The following PDZD2 variants were observed in gnomAD, a reference collection of about 807,000 sequenced individuals.
PDZD2 encodes the protein PDZ domain containing 2.
A neutral mutation model predicts 220.7 loss-of-function variants in PDZD2; 90 were observed. The observed-to-expected ratio is 0.41, with a 90% CI of 0.34 to 0.49. The LOEUF (loss-of-function observed/expected upper bound fraction) is 0.49. PDZD2 is among the 20% of genes least tolerant of loss of function. The pLI is 0.28. For missense variants in PDZD2, 3,174 were observed against 3,608.5 expected (o/e 0.88, Z 3.08); for synonymous variants, 1,375 against 1,450.5 (o/e 0.95, Z 1.18).
intron 2 of PDZD2, among the ~76,000 whole-genome samples, chr5:31,893,544 T>G (rs977761284): frequency 6.6e-6 from 1 of 152,114 alleles, no homozygotes; most frequent in South Asian, 2.1e-4. Context: ...CAGTCCAGCC[T>G]GGGTGACAGA....
At chr5:32,026,293 C>T (rs537146614) in intron 6 of PDZD2, among the ~76,000 whole-genome samples, 3 of 152,182 alleles carry the variant, frequency 2.0e-5, no homozygotes, top group African/African-American at 7.2e-5. Flanking sequence ...TGTGCCACCA[C>T]ACCCAGCTAG....
chr5:32,018,887 AT>A (rs1753982100), intron 6 of PDZD2, among the ~76,000 whole-genome samples: 1 of 152,204 alleles, frequency 6.6e-6, no homozygotes, highest in Admixed American at 6.5e-5. Context: ...TAAGATTTAC[AT>A]TTGGGGGTGG....
chr5:31,850,875 T>C (rs999840932), intron 2 of PDZD2, among the ~76,000 whole-genome samples: 1 of 152,004 alleles, frequency 6.6e-6, no homozygotes, highest in Non-Finnish European at 1.5e-5. Flanking sequence ...TGACCTCGTG[T>C]TCCACCCGCC....
rs1439977846 is a variant in PDZD2 at position 32,083,344 on chromosome 5, C to T, written c.3683-3787C>T. 6.6e-6 allele frequency: 1 copy of T among 152,178 alleles called. No homozygotes were observed. The highest frequency in any genetic ancestry group is 1.5e-5 in the Non-Finnish European group (1 of 68,048). 9.4% of individuals were successfully genotyped at this position (152,178 alleles called of 1,614,324 possible). ...CATGGGCCTGACCTAGCAGGCTGTC[C>T]CTCGCACTGACCACTCTGCTGTCAG... is the stretch of plus-strand genomic sequence containing the variant. On this transcript the variant is annotated intron_variant, in intron 19 of 24. Transcript: ENST00000438447. The surrounding 1 kb of genome is among the most constrained non-coding windows in gnomAD (Gnocchi z 4.1).
chr5:31,796,967 G>C (rs537851448), intron 1 of PDZD2, among the ~76,000 whole-genome samples: 1 of 148,928 alleles, frequency 6.7e-6, no homozygotes, highest in South Asian at 2.1e-4. Flanking sequence ...TGGCTCTGTC[G>C]CCCAGGCTGG....
intron 1 of PDZD2, among the ~76,000 whole-genome samples, chr5:31,775,172 A>G (rs1490969036): frequency 3.3e-5 from 5 of 152,158 alleles, no homozygotes; most frequent in African/African-American, 4.8e-5. Context: ...TCTTTCTCAA[A>G]TTACTTATTT....
chr5:31,846,560 T>G (rs1757597522), intron 2 of PDZD2, among the ~76,000 whole-genome samples: 1 of 152,246 alleles, frequency 6.6e-6, no homozygotes, highest in African/African-American at 2.4e-5. Flanking sequence ...CCTTTTTAAT[T>G]CTGGGCATCA....
At chr5:31,951,131 A>G (rs1445471786) in intron 2 of PDZD2, among the ~76,000 whole-genome samples, 1 of 152,110 alleles carries the variant, frequency 6.6e-6, no homozygotes, top group Non-Finnish European at 1.5e-5. Flanking sequence ...CAGTGGCGCC[A>G]TCACAGCTCA....
chr5:31,963,664 C>T (rs570642755), intron 2 of PDZD2, among the ~76,000 whole-genome samples: 2 of 152,314 alleles, frequency 1.3e-5, no homozygotes, highest in South Asian at 2.1e-4. Flanking sequence ...CAGGTCAGGC[C>T]AGAAGGCGTT....
rs1281336978 is a variant in PDZD2 at position 31,849,897 on chromosome 5, T to C, written c.476+50173T>C. Among the ~76,000 whole-genome samples the C allele has an allele frequency of 4.5e-4, 12 of 26,460 alleles. 2 individuals are homozygous for C. The highest frequency in any genetic ancestry group is 2.9e-3 in the African/African-American group (10 of 3,460). The allele number at this position is 26,460 out of a possible 152,430, so 17.4% of individuals were successfully genotyped here. A position where few individuals can be genotyped will look rare whatever the true frequency, so the allele number is the denominator to read the frequency against. On this transcript the variant is annotated intron_variant, in intron 2 of 24. Coordinates refer to ENST00000438447, the MANE Select transcript of PDZD2 (RefSeq NM_178140.4). ...ATATATATATATATATACACATATATATATATACATATATATATATACATA... is the reference window on the plus strand; with the variant it reads ...ATATATATATATATATACACATATACATATATACATATATATATATACATA...
At position 32,090,442 on chromosome 5, in the gene PDZD2, T is replaced by G; in HGVS notation, c.6994T>G (p.Phe2332Val). The G allele has an allele frequency of 6.2e-7, 1 of 1,614,050 alleles. No individual in the cohort carries two copies. The highest frequency in any genetic ancestry group is 1.7e-5 in the Admixed American group (1 of 60,028). The change falls in exon 20 of 25, where the codon TTT becomes GTT. Residue 2332 changes from phenylalanine to valine, a missense_variant. Transcript: ENST00000438447. This position sits in a 1 kb window ranked among gnomAD's most constrained non-coding sequence, Gnocchi z 4.3. ...EQNWPHESTS[F>V]FSVKQRIKSF... is the part of the protein sequence containing the mutation. ...GAACTGGCCCCATGAATCTACCTCA[T>G]TTTTCTCTGTGAAGCAGCGGATCAA...
At chr5:31,908,954 G>A in intron 2 of PDZD2, 1 of 329,058 alleles carries the variant, frequency 3.0e-6, no homozygotes. Context: ...GGCTGAGGTG[G>A]GAGAATTGCT....
Position 31,880,791 on chromosome 5 carries a change from C to CTTTTTTTCTTTTTTTTT in PDZD2, c.476+81074_476+81075insCTTTTTTTTTTTTTTTT, listed in dbSNP as rs1580978227. Among the ~76,000 whole-genome samples, 159 of 76,454 alleles carry CTTTTTTTCTTTTTTTTT rather than the reference C, an allele frequency of 2.1e-3. 1 individual carries two copies. Among genetic ancestry groups the CTTTTTTTCTTTTTTTTT allele is most frequent in the Non-Finnish European group, 2.6e-3 (108 of 42,288 alleles). 50.2% of individuals were successfully genotyped at this position (76,454 alleles called of 152,430 possible). A position where few individuals can be genotyped will look rare whatever the true frequency, so the allele number is the denominator to read the frequency against. On this transcript the variant is annotated intron_variant, in intron 2 of 24. Transcript: ENST00000438447. ...AGAAAGGTAGCTTTCTTTTTTTTTT[C>CTTTTTTTCTTTTTTTTT]TTTTTTTTTTTTTTTTTTTTTTTTT...
At chr5:31,725,210 C>T (rs253916) in intron 1 of PDZD2, among the ~76,000 whole-genome samples, 26,310 of 151,802 alleles carry the variant, frequency 0.17, 2,568 homozygotes, top group East Asian at 0.34. Context: ...TGGTGGCACA[C>T]GCCTGTAATC....
chr5:31,731,439 C>G (rs1275622233), intron 1 of PDZD2, among the ~76,000 whole-genome samples: 1 of 152,130 alleles, frequency 6.6e-6, no homozygotes, highest in Non-Finnish European at 1.5e-5. Context: ...TTCATCATCC[C>G]TCAAAAGAGA....
intron 1 of PDZD2, chr5:31,744,464 A>C (rs1750461756): frequency 6.6e-6 from 1 of 152,226 alleles, no homozygotes; most frequent in South Asian, 2.1e-4. Context: ...AAAAGAAGGA[A>C]AAGAAAAAAG....
intron 19 of PDZD2, among the ~76,000 whole-genome samples, chr5:32,081,071 G>C (rs183118142): frequency 4.4e-4 from 64 of 146,382 alleles, no homozygotes; most frequent in Non-Finnish European, 4.5e-5. Flanking sequence ...ATGTATCCCA[G>C]AACTTAAAAA....
chr5:32,031,339 A>G (rs1581325614), intron 6 of PDZD2, among the ~76,000 whole-genome samples: 1 of 152,148 alleles, frequency 6.6e-6, no homozygotes, highest in Non-Finnish European at 1.5e-5. Context: ...CTAGTTAGTC[A>G]TCATGTATTT....
At chr5:31,921,673 G>C (rs941229252) in intron 2 of PDZD2, among the ~76,000 whole-genome samples, 1 of 152,162 alleles carries the variant, frequency 6.6e-6, no homozygotes, top group Non-Finnish European at 1.5e-5. Flanking sequence ...CTGGGTGACA[G>C]AGTGAGACCC....
Sources: allele counts gnomAD v4.1 joint callset (sites outside exome capture counted in the v4.1 genomes callset), GRCh38; gene constraint gnomAD v4.1.1; non-coding constraint Gnocchi (gnomAD v3.1); transcripts MANE v1.5; gene names NCBI Gene and HGNC (gene_info 2026-07-23, HGNC 2026-07-21).